Variants in KIAA1217 observed in about 807,000 individuals in gnomAD.
KIAA1217 encodes KIAA1217.
In KIAA1217, 88 loss-of-function variants were observed where a neutral mutation model predicts 163.9. The ratio of observed to expected loss-of-function variants is 0.54; its 90% CI spans 0.45 to 0.64. KIAA1217 has a LOEUF of 0.64. Ranked by LOEUF, KIAA1217 falls within the 30% of genes least tolerant of loss-of-function variation. KIAA1217 has a pLI of 0.00. For missense variants in KIAA1217, 2,372 were observed against 2,475.0 expected, an observed-to-expected ratio of 0.96 and a Z score of 0.88; for synonymous variants, 903 against 923.1, an observed-to-expected ratio of 0.98 and a Z score of 0.39.
intron 1 of KIAA1217, among the ~76,000 whole-genome samples, 191 bp from the exon 2 acceptor site, chr10:24,219,435 A>T (rs2069280939): frequency 6.6e-6 from 1 of 152,078 alleles, no homozygotes; most frequent in Admixed American, 6.5e-5. Flanking sequence ...CTAAAGTACG[A>T]TTTTTCATAT....
rs11014027 is a variant in KIAA1217, at chr10:24,322,833, C to T, written c.355-58036C>T. 6.1e-3 allele frequency among the ~76,000 whole-genome samples: 929 copies of T among 152,196 alleles called. 1 individual carries two copies. Among genetic ancestry groups the T allele is most frequent in the Non-Finnish European group, 9.1e-3 (621 of 67,994 alleles). On this transcript the variant is annotated intron_variant, in intron 2 of 20. Coordinates refer to ENST00000376454, the MANE Select transcript of KIAA1217 (RefSeq NM_019590.5). ...CAGAGGGAGGTGCAGAGTGAATGGA[C>T]CATACTACCTGTCATCTTGGCAACG...
intron 2 of KIAA1217, among the ~76,000 whole-genome samples, chr10:24,140,792 T>C (rs989732436): frequency 2.0e-5 from 3 of 152,222 alleles, no homozygotes; most frequent in Admixed American, 2.0e-4. Flanking sequence ...ATACCTTTAG[T>C]GGTTGCGAAC....
chr10:23,958,804 T>C (rs1844683368), intron 1 of KIAA1217, among the ~76,000 whole-genome samples: 1 of 151,966 alleles, frequency 6.6e-6, no homozygotes, highest in South Asian at 2.1e-4. Flanking sequence ...GGAAGCTCTT[T>C]TTATTTCTTG....
intron 2 of KIAA1217, among the ~76,000 whole-genome samples, chr10:24,233,956 T>G (rs1415241462): frequency 2.0e-5 from 3 of 152,256 alleles, no homozygotes; most frequent in African/African-American, 7.2e-5. Context: ...TCTCTATAAG[T>G]TATGTCTTTA....
At chr10:24,064,187 G>T (rs1442044016) in intron 2 of KIAA1217, among the ~76,000 whole-genome samples, 2 of 152,104 alleles carry the variant, frequency 1.3e-5, no homozygotes. Context: ...TGTTGAATAG[G>T]AGTGGTGAGA....
chr10:24,316,847 G>A (rs1266004468), intron 2 of KIAA1217, among the ~76,000 whole-genome samples: 1 of 152,176 alleles, frequency 6.6e-6, no homozygotes, highest in Non-Finnish European at 1.5e-5. Flanking sequence ...AGCATTCTGT[G>A]GTCTTCTATG....
At chr10:23,846,149 T>C (rs1422034627) in intron 1 of KIAA1217, among the ~76,000 whole-genome samples, 2 of 152,160 alleles carry the variant, frequency 1.3e-5, no homozygotes, top group East Asian at 3.8e-4. Context: ...GTAAGATAGT[T>C]TGAAGTCAGG....
At chr10:24,366,616 A>G (rs113670627) in intron 2 of KIAA1217, among the ~76,000 whole-genome samples, 1 of 150,912 alleles carries the variant, frequency 6.6e-6, no homozygotes, top group Admixed American at 6.6e-5. Flanking sequence ...TCCTGCATGT[A>G]TTCACCTTGG....
chr10:24,118,570 G>A (rs1589565642), intron 2 of KIAA1217, among the ~76,000 whole-genome samples: 1 of 152,184 alleles, frequency 6.6e-6, no homozygotes, highest in Non-Finnish European at 1.5e-5. Context: ...ACAGCACCGG[G>A]CTGAGTGAAG....
At chr10:24,226,603 C>T (rs942698606) in intron 2 of KIAA1217, among the ~76,000 whole-genome samples, 5 of 151,824 alleles carry the variant, frequency 3.3e-5, no homozygotes, top group African/African-American at 1.2e-4. Flanking sequence ...GATCGCACCA[C>T]TGCACTCCAG....
At chr10:23,953,878 C>A (rs990276084) in intron 1 of KIAA1217, among the ~76,000 whole-genome samples, 2 of 152,334 alleles carry the variant, frequency 1.3e-5, no homozygotes, top group East Asian at 3.9e-4. Flanking sequence ...GATTTCTCAG[C>A]ACCAGAACCA....
intron 2 of KIAA1217, 107 bp from the exon 3 acceptor site, chr10:24,380,762 C>G: frequency 2.5e-6 from 2 of 815,920 alleles, no homozygotes; most frequent in Non-Finnish European, 3.7e-6. Context: ...TGGACTGTTA[C>G]CCCTTGCCAT....
intron 1 of KIAA1217, among the ~76,000 whole-genome samples, chr10:23,862,582 T>C (rs1290333629): frequency 1.3e-5 from 2 of 152,154 alleles, no homozygotes; most frequent in Non-Finnish European, 2.9e-5. Context: ...TAATTACTTA[T>C]ACTTTTATCC....
At chr10:24,296,661 A>G (rs577081712) in intron 2 of KIAA1217, among the ~76,000 whole-genome samples, 5 of 152,350 alleles carry the variant, frequency 3.3e-5, no homozygotes, top group African/African-American at 4.8e-5. Context: ...TGAGTCTTAA[A>G]AACGTGGAAA....
chr10:23,818,826 G>A (rs1837486639), intron 1 of KIAA1217, among the ~76,000 whole-genome samples: 1 of 152,148 alleles, frequency 6.6e-6, no homozygotes, highest in African/African-American at 2.4e-5. Flanking sequence ...CTTGACAAAT[G>A]TCATGACCTG....
At chr10:23,861,508 G>T (rs1839949724) in intron 1 of KIAA1217, among the ~76,000 whole-genome samples, 1 of 152,114 alleles carries the variant, frequency 6.6e-6, no homozygotes, top group African/African-American at 2.4e-5. Context: ...AAAATGGAGG[G>T]ATTATCCTGG....
chr10:24,048,705 G>C (rs1237220296), intron 2 of KIAA1217, among the ~76,000 whole-genome samples: 1 of 148,486 alleles, frequency 6.7e-6, no homozygotes, highest in Admixed American at 6.8e-5. Flanking sequence ...ACCCGAGCCT[G>C]GGTGACAGAG....
chr10:24,295,599 T>A (rs2040498146), intron 2 of KIAA1217, among the ~76,000 whole-genome samples: 1 of 152,118 alleles, frequency 6.6e-6, no homozygotes, highest in Admixed American at 6.5e-5. Context: ...GCTTCCCCAG[T>A]TGTTCTCAGG....
intron 2 of KIAA1217, among the ~76,000 whole-genome samples, chr10:24,311,145 G>T: frequency 6.6e-6 from 1 of 152,312 alleles, no homozygotes; most frequent in South Asian, 2.1e-4. Context: ...ACCCCAGGCC[G>T]TAGGAGGTGA....
Sources: gnomAD v4.1 joint callset for allele counts (sites outside exome capture counted in the v4.1 genomes callset) on GRCh38, gnomAD v4.1.1 for gene constraint, MANE v1.5 for transcripts, NCBI Gene and HGNC (gene_info 2026-07-23, HGNC 2026-07-21) for gene names.